The following CNTN3 variants were observed in gnomAD, a reference collection of about 807,000 sequenced individuals.
The protein encoded by CNTN3 is contactin 3, also known as contactin-3.
In CNTN3, 60 loss-of-function variants were observed where a neutral mutation model predicts 119.1. That is an observed-to-expected ratio of 0.50 (90% confidence interval 0.41 to 0.62). The LOEUF (loss-of-function observed/expected upper bound fraction) is 0.62, where lower values mean the gene tolerates loss of function less well. Ranked by LOEUF, CNTN3 falls within the 20% of genes least tolerant of loss-of-function variation. CNTN3 has a pLI of 0.00. For synonymous variants in CNTN3, 450 were observed against 438.7 expected (o/e 1.03, Z -0.32); for missense variants, 1,101 against 1,242.4 (o/e 0.89, Z 1.71).
intron 3 of CNTN3, among the ~76,000 whole-genome samples, chr3:74,487,410 C>A (rs1217857794): frequency 6.6e-6 from 1 of 151,992 alleles, no homozygotes; most frequent in Non-Finnish European, 1.5e-5. Flanking sequence ...AACAGGGCAC[C>A]CAGCTCCTAG....
At chr3:74,387,350 GA>G (rs1704776512) in intron 5 of CNTN3, among the ~76,000 whole-genome samples, 1 of 152,094 alleles carries the variant, frequency 6.6e-6, no homozygotes, top group Non-Finnish European at 1.5e-5. Flanking sequence ...AATAAAAGAG[GA>G]TTAAAATGTT....
intron 5 of CNTN3, among the ~76,000 whole-genome samples, chr3:74,402,661 CA>C (rs1473856132): frequency 6.6e-6 from 1 of 151,970 alleles, no homozygotes; most frequent in Non-Finnish European, 1.5e-5. Flanking sequence ...AGGTGGATTC[CA>C]ATTGAAGGTA....
intron 19 of CNTN3, among the ~76,000 whole-genome samples, chr3:74,287,714 G>A (rs576051012): frequency 2.0e-5 from 3 of 152,256 alleles, no homozygotes; most frequent in Admixed American, 6.5e-5. Flanking sequence ...GTGGCTTCTC[G>A]CTGGGTGTAG....
intron 5 of CNTN3, among the ~76,000 whole-genome samples, chr3:74,411,971 G>GA (rs1311332706): frequency 6.6e-6 from 1 of 152,096 alleles, no homozygotes; most frequent in Non-Finnish European, 1.5e-5. Flanking sequence ...GCATATGTTA[G>GA]AAAAAACGGA....
intron 1 of CNTN3, among the ~76,000 whole-genome samples, chr3:74,543,440 T>C (rs1305229863): frequency 1.3e-5 from 2 of 152,014 alleles, no homozygotes; most frequent in Non-Finnish European, 2.9e-5. Flanking sequence ...TAAAAGAAGG[T>C]GTTAGAATGG....
At chr3:74,340,179 C>A (rs894086405) in intron 11 of CNTN3, among the ~76,000 whole-genome samples, 1 of 152,036 alleles carries the variant, frequency 6.6e-6, no homozygotes, top group African/African-American at 2.4e-5. Flanking sequence ...AAAAGCCAAG[C>A]TATTTTGTGT....
intron 4 of CNTN3, among the ~76,000 whole-genome samples, chr3:74,454,419 T>C (rs1389836777): frequency 6.6e-6 from 1 of 151,126 alleles, no homozygotes; most frequent in Admixed American, 6.6e-5. Context: ...GCACGTGAGA[T>C]GGGTTTCCTG....
chr3:74,573,170 G>A lies in CNTN3; in HGVS notation c.-81+41221C>T, dbSNP rs9836271. On this transcript the variant is annotated intron_variant, in intron 1 of 22. Transcript: ENST00000263665. Reference sequence around the variant, plus strand: ...GAATTGGGAAAGACCTAGTCAACATGAATGTATTAATATCCTCTAGGCCTA... The same window carrying A: ...GAATTGGGAAAGACCTAGTCAACATAAATGTATTAATATCCTCTAGGCCTA... Among the ~76,000 whole-genome samples, 1,258 of 152,256 alleles carry A rather than the reference G, an allele frequency of 8.3e-3. 17 individuals are homozygous for A. Among genetic ancestry groups the A allele is most frequent in the African/African-American group, 0.029 (1,193 of 41,542 alleles).
intron 8 of CNTN3, among the ~76,000 whole-genome samples, chr3:74,368,903 T>C (rs534689453): frequency 6.6e-6 from 1 of 152,198 alleles, no homozygotes; most frequent in Admixed American, 6.6e-5. Flanking sequence ...CTAATGTGTT[T>C]AAGTGTGTGA....
At chr3:74,538,939 C>A (rs908215859) in intron 1 of CNTN3, among the ~76,000 whole-genome samples, 2 of 152,042 alleles carry the variant, frequency 1.3e-5, no homozygotes, top group Admixed American at 6.6e-5. Flanking sequence ...TTTAACTGGG[C>A]AGTACCATGG....
Position 74,264,284 on chromosome 3 carries a change from T to C in CNTN3, c.*117A>G, listed in dbSNP as rs1183826181. On this transcript the variant is annotated 3_prime_UTR_variant, in exon 23 of 23. Transcript: ENST00000263665. ...TAATTATATTCATATTTACCTATAA[T>C]GAAGTAGAAAGTTAAAAATAAGAGT... is the stretch of plus-strand genomic sequence containing the variant. 21 of 453,162 alleles carry C rather than the reference T, an allele frequency of 4.6e-5. No homozygotes were observed. The highest frequency in any genetic ancestry group is 3.2e-5 in the Non-Finnish European group (8 of 252,894). 28.1% of individuals were successfully genotyped at this position (453,162 alleles called of 1,614,324 possible). A position where few individuals can be genotyped will look rare whatever the true frequency, so the allele number is the denominator to read the frequency against.
At chr3:74,603,643 T>C (rs548166403) in intron 1 of CNTN3, among the ~76,000 whole-genome samples, 97 of 152,248 alleles carry the variant, frequency 6.4e-4, no homozygotes, top group African/African-American at 2.3e-3. Flanking sequence ...AAGTACTTTT[T>C]TTATACTGAG....
intron 1 of CNTN3, among the ~76,000 whole-genome samples, chr3:74,586,451 T>C (rs1199831731): frequency 1.3e-5 from 2 of 152,128 alleles, no homozygotes; most frequent in Non-Finnish European, 2.9e-5. Context: ...TGATGAAGAA[T>C]ATAATACGCA....
chr3:74,266,389 A>G (rs1031331457), intron 22 of CNTN3, 92 bp downstream of exon 22: 9 of 1,292,540 alleles, frequency 7.0e-6, no homozygotes, highest in Non-Finnish European at 7.5e-6. Flanking sequence ...CTTGCTGGAA[A>G]GAAAGAATGG....
At chr3:74,331,829 T>G (rs752762153) in intron 13 of CNTN3, among the ~76,000 whole-genome samples, 29 of 152,172 alleles carry the variant, frequency 1.9e-4, no homozygotes, top group Non-Finnish European at 3.8e-4. Context: ...ATTCCAATTG[T>G]GCAAAAATCT....
chr3:74,298,615 G>A (rs1373457835), intron 17 of CNTN3, among the ~76,000 whole-genome samples: 10 of 123,994 alleles, frequency 8.1e-5, no homozygotes, highest in South Asian at 3.0e-4. Context: ...AAAAAAAAAA[G>A]GCCTGGTACG....
chr3:74,307,332 A>T (rs570053514), intron 13 of CNTN3, among the ~76,000 whole-genome samples: 65 of 152,298 alleles, frequency 4.3e-4, no homozygotes, highest in Admixed American at 6.5e-4. Flanking sequence ...TATCTACTAA[A>T]CTTAGCTAGG....
intron 19 of CNTN3, 23 bp from the exon 20 acceptor site, chr3:74,285,514 CAT>C (rs1559681136): frequency 2.5e-6 from 4 of 1,574,056 alleles, no homozygotes; most frequent in African/African-American, 1.4e-5. Context: ...AGACACCAAA[CAT>C]GTGAAGGCTT....
chr3:74,298,022 C>A lies in CNTN3; in HGVS notation c.2336G>T (p.Gly779Val). 1 of 1,614,048 alleles carries A rather than the reference C, an allele frequency of 6.2e-7. No homozygotes were observed. The highest frequency in any genetic ancestry group is 8.5e-7 in the Non-Finnish European group (1 of 1,179,966). Residue 779 changes from glycine to valine, a missense_variant, in exon 18 of 23, where the codon GGT becomes GTT. Gly to Val is a moderately radical substitution (Grantham distance 109). Coordinates refer to ENST00000263665, the MANE Select transcript of CNTN3 (RefSeq NM_020872.3). ...VPYSPYEVKV[G>V]VYNNKGEGPF... ...TCCTTCACCTTTGTTATTATAAACA[C>A]CCACTTTAACTTCATATGGTGAATA...
Sources: gnomAD v4.1 joint callset for allele counts (sites outside exome capture counted in the v4.1 genomes callset) on GRCh38, gnomAD v4.1.1 for gene constraint, MANE v1.5 for transcripts, NCBI Gene and HGNC (gene_info 2026-07-23, HGNC 2026-07-21) for gene names.